Variants in TNKS observed in about 807,000 individuals in gnomAD.
TNKS encodes the protein poly [ADP-ribose] polymerase tankyrase-1.
Under a neutral mutation model 135.8 loss-of-function variants are expected in TNKS, and 72 were observed. The ratio of observed to expected loss-of-function variants is 0.53; its 90% CI spans 0.44 to 0.64. The LOEUF is 0.64. Ranked by LOEUF, TNKS falls within the 30% of genes least tolerant of loss-of-function variation. The pLI is 0.00. For synonymous variants in TNKS, 849 were observed against 649.3 expected (o/e 1.31, Z -4.68); for missense variants, 1,769 against 1,674.0 (o/e 1.06, Z -0.99).
chr8:9,763,662 C>T (rs1042807850), intron 22 of TNKS, among the ~76,000 whole-genome samples: 2 of 152,130 alleles, frequency 1.3e-5, no homozygotes, highest in Non-Finnish European at 2.9e-5. Flanking sequence ...CTAATCGTCA[C>T]GTATGCTTCT....
chr8:9,706,571 C>T (rs1804056673), intron 7 of TNKS, among the ~76,000 whole-genome samples: 1 of 152,168 alleles, frequency 6.6e-6, no homozygotes, highest in Non-Finnish European at 1.5e-5. Context: ...CCATGTTGCC[C>T]AGTCTTGTTT....
At chr8:9,575,552 G>A (rs1453123086) in intron 1 of TNKS, among the ~76,000 whole-genome samples, 1 of 152,176 alleles carries the variant, frequency 6.6e-6, no homozygotes, top group Non-Finnish European at 1.5e-5. Flanking sequence ...ATATCTAAAT[G>A]TGAAAGAATT....
At position 9,555,998 on chromosome 8, in the gene TNKS, C is replaced by A. The variant is rs779979600; in HGVS notation, c.59C>A (p.Pro20His). 1 of 1,613,438 alleles carries A rather than the reference C, an allele frequency of 6.2e-7. No individual in the cohort carries two copies. Among genetic ancestry groups the A allele is most frequent in the Non-Finnish European group, 8.5e-7 (1 of 1,179,890 alleles). The change falls in exon 1 of 27, where the codon CCC becomes CAC. Residue 20 changes from proline (P) to histidine (H), a missense_variant. Physicochemically the swap from Pro to His is moderately conservative, Grantham distance 77. This residue lies in a region of TNKS where 450 missense variants were observed against 304.9 expected (regional missense o/e 1.48). Coordinates refer to ENST00000310430, the MANE Select transcript of TNKS (RefSeq NM_003747.3). The stretch of plus-strand genomic sequence containing the variant: ...CACCATCATCAACAACAGCTCCAGC[C>A]CGCCCCAGGGGCTTCAGCGCCGCCG... ...HHHHHQQQLQ[P>H]APGASAPPPP...
chr8:9,759,622 T>G (rs1230802229), intron 20 of TNKS, among the ~76,000 whole-genome samples: 1 of 152,190 alleles, frequency 6.6e-6, no homozygotes, highest in East Asian at 1.9e-4. Flanking sequence ...GAGAATATTG[T>G]GTTTTGCTGG....
At chr8:9,756,889 C>A (rs1016922779) in intron 20 of TNKS, among the ~76,000 whole-genome samples, 1 of 152,158 alleles carries the variant, frequency 6.6e-6, no homozygotes, top group African/African-American at 2.4e-5. Context: ...ACAGTCTCAT[C>A]CTCCTAAAAT....
intron 26 of TNKS, chr8:9,772,470 A>AAGAT (rs1277046373): frequency 2.2e-6 from 1 of 452,938 alleles, no homozygotes; most frequent in Non-Finnish European, 4.4e-6. Flanking sequence ...TTAATGTTGA[A>AAGAT]AGATTGTATT....
intron 17 of TNKS, among the ~76,000 whole-genome samples, chr8:9,739,016 AC>A (rs1805790486): frequency 6.6e-6 from 1 of 151,934 alleles, no homozygotes; most frequent in Non-Finnish European, 1.5e-5. Flanking sequence ...TGTCCAAAAC[AC>A]CAAAAGCAAT....
At chr8:9,773,981 C>T (rs369849536) in intron 26 of TNKS, among the ~76,000 whole-genome samples, 9 of 152,016 alleles carry the variant, frequency 5.9e-5, no homozygotes, top group South Asian at 2.1e-4. Flanking sequence ...AAAACACACA[C>T]GTTTTATGTG....
intron 11 of TNKS, among the ~76,000 whole-genome samples, chr8:9,716,236 G>A (rs1804592767): frequency 6.6e-6 from 1 of 152,068 alleles, no homozygotes; most frequent in Admixed American, 6.6e-5. Context: ...GCTCACTTGG[G>A]GAAATGTGTC....
intron 3 of TNKS, among the ~76,000 whole-genome samples, chr8:9,617,086 T>A (rs1044184786): frequency 1.8e-4 from 27 of 152,254 alleles, no homozygotes; most frequent in Non-Finnish European, 3.1e-4. Flanking sequence ...ATTTGTTAGA[T>A]ACATTTAATG....
intron 25 of TNKS, among the ~76,000 whole-genome samples, chr8:9,768,652 C>T (rs1251544803): frequency 6.6e-6 from 1 of 152,214 alleles, no homozygotes. Flanking sequence ...AGCCCTGGGG[C>T]AGGAAGCAGA....
intron 14 of TNKS, among the ~76,000 whole-genome samples, chr8:9,731,376 C>G (rs538272357): frequency 3.6e-4 from 51 of 141,614 alleles, no homozygotes; most frequent in Middle Eastern, 3.9e-3. Flanking sequence ...AGGAGAATCA[C>G]TTGAACCCGG....
intron 25 of TNKS, 92 bp from the exon 26 acceptor site, chr8:9,770,014 G>A: frequency 1.7e-6 from 2 of 1,184,706 alleles, no homozygotes; most frequent in Non-Finnish European, 2.3e-6. Flanking sequence ...CTTGCCTTAT[G>A]TTAAATTTTT....
chr8:9,688,396 T>A (rs1159994785), intron 5 of TNKS, among the ~76,000 whole-genome samples: 2 of 152,246 alleles, frequency 1.3e-5, no homozygotes, highest in Non-Finnish European at 2.9e-5. Context: ...TGAAATTATC[T>A]GTAACTTTGA....
intron 14 of TNKS, among the ~76,000 whole-genome samples, chr8:9,732,426 C>T (rs1249768354): frequency 2.6e-5 from 4 of 152,050 alleles, no homozygotes; most frequent in African/African-American, 4.8e-5. Context: ...TTAAACTGCA[C>T]GATTTAGGCC....
At chr8:9,664,779 C>T (rs954034638) in intron 3 of TNKS, among the ~76,000 whole-genome samples, 1 of 152,150 alleles carries the variant, frequency 6.6e-6, no homozygotes, top group African/African-American at 2.4e-5. Context: ...AAGTATACAA[C>T]TGTTAATAAA....
chr8:9,734,888 G>A lies in TNKS; in HGVS notation c.2337G>A (p.Lys779=). ...AGCATGGAGCAGATCCAACTAAAAA[G>A]AACAGAGATGGAAATACACCTTTGG... is the stretch of plus-strand genomic sequence containing the variant. ...LLKHGADPTK[K]NRDGNTPLDL... Residue 779 remains lysine, a synonymous_variant, in exon 16 of 27, where the codon AAG becomes AAA. Coordinates refer to ENST00000310430, the MANE Select transcript of TNKS (RefSeq NM_003747.3). The A allele has an allele frequency of 1.2e-6, 2 of 1,614,006 alleles. No individual in the cohort carries two copies. The highest frequency in any genetic ancestry group is 1.7e-6 in the Non-Finnish European group (2 of 1,179,944).
chr8:9,619,020 T>C (rs1469349776), intron 3 of TNKS, among the ~76,000 whole-genome samples: 1 of 152,234 alleles, frequency 6.6e-6, no homozygotes, highest in African/African-American at 2.4e-5. Flanking sequence ...TTTGAGCGAA[T>C]TCCCTAGTGT....
chr8:9,755,980 A>G (rs181944050), intron 20 of TNKS, among the ~76,000 whole-genome samples: 1 of 152,344 alleles, frequency 6.6e-6, no homozygotes, highest in African/African-American at 2.4e-5. Flanking sequence ...TTAATGAAAT[A>G]TAGTACCCAT....
Sources: gnomAD v4.1 joint callset for allele counts (sites outside exome capture counted in the v4.1 genomes callset) on GRCh38, gnomAD v4.1.1 for gene constraint, gnomAD v4.1.1 regional missense constraint, MANE v1.5 for transcripts, NCBI Gene and HGNC (gene_info 2026-07-23, HGNC 2026-07-21) for gene names.